Variants in OPHN1 observed in about 807,000 individuals in gnomAD.
OPHN1 encodes oligophrenin 1.
A neutral mutation model predicts 60.7 loss-of-function variants in OPHN1; 11 were observed. The ratio of observed to expected loss-of-function variants is 0.18; its 90% confidence interval spans 0.11 to 0.30. OPHN1 has a LOEUF of 0.30. OPHN1 is among the 10% of genes least tolerant of loss of function. The pLI is 1.00. For synonymous variants in OPHN1, 226 were observed against 222.6 expected (o/e 1.02, Z -0.14); for missense variants, 449 against 611.0 (o/e 0.73, Z 2.80).
rs1440862581 is a variant in OPHN1, at chrX:68,044,659, A to T, written c.*2513T>A. The T allele has an allele frequency of 8.9e-6, 1 of 112,668 alleles. No individual in the cohort carries two copies. Among genetic ancestry groups the T allele is most frequent in the African/African-American group, 3.2e-5 (1 of 30,992 alleles). 9.3% of individuals were successfully genotyped at this position (112,668 alleles called of 1,213,427 possible). A position where few individuals can be genotyped will look rare whatever the true frequency, so the allele number is the denominator to read the frequency against. On this transcript the variant is annotated 3_prime_UTR_variant, in exon 25 of 25. Transcript: ENST00000355520. Reference sequence around the variant, plus strand: ...ATTCCATGATAGCATGCCTCGCCACAGAAGCTTTTTGCACTTTAAGTCAGA... The same window carrying T: ...ATTCCATGATAGCATGCCTCGCCACTGAAGCTTTTTGCACTTTAAGTCAGA...
chrX:68,229,568 T>C (rs1465733604), intron 6 of OPHN1, among the ~76,000 whole-genome samples: 1 of 111,175 alleles, frequency 9.0e-6, no homozygotes, highest in Non-Finnish European at 1.9e-5. Flanking sequence ...AACAGATATA[T>C]AGACCAATGG....
chrX:68,171,855 T>C (rs945215813), intron 15 of OPHN1, among the ~76,000 whole-genome samples: 2 of 112,061 alleles, frequency 1.8e-5, no homozygotes, highest in African/African-American at 6.5e-5. Flanking sequence ...AATGAGTACA[T>C]TAAAAATGTC....
intron 2 of OPHN1, among the ~76,000 whole-genome samples, chrX:68,375,691 C>T (rs945566615): frequency 2.8e-5 from 3 of 106,513 alleles, no homozygotes; most frequent in Admixed American, 1.0e-4. Context: ...GCTAGGACTA[C>T]AGGCACATGC....
At chrX:68,268,479 A>G (rs1177468340) in intron 5 of OPHN1, among the ~76,000 whole-genome samples, 2 of 112,152 alleles carry the variant, frequency 1.8e-5, no homozygotes, top group Non-Finnish European at 3.8e-5. Context: ...AACAGAACCA[A>G]TGACAAAAAC....
At chrX:68,142,803 G>A (rs1172376231) in intron 15 of OPHN1, among the ~76,000 whole-genome samples, 4 of 111,473 alleles carry the variant, frequency 3.6e-5, no homozygotes, top group East Asian at 2.8e-4. Flanking sequence ...TATAATCTAC[G>A]ATCAAATTCA....
chrX:68,218,559 C>A (rs1237302573), intron 6 of OPHN1, among the ~76,000 whole-genome samples: 3 of 110,504 alleles, frequency 2.7e-5, no homozygotes, highest in African/African-American at 6.6e-5. Flanking sequence ...AAGGGAAGCC[C>A]ATCAGACTAA....
At chrX:68,271,371 C>CA (rs760572422) in intron 5 of OPHN1, among the ~76,000 whole-genome samples, 1,883 of 70,237 alleles carry the variant, frequency 0.027, 26 homozygotes, top group Admixed American at 0.053. Flanking sequence ...ACAGAAATTA[C>CA]AAAAAAAAAA....
At chrX:68,306,627 T>C (rs1167471327) in intron 2 of OPHN1, among the ~76,000 whole-genome samples, 1 of 112,483 alleles carries the variant, frequency 8.9e-6, no homozygotes, top group Non-Finnish European at 1.9e-5. Flanking sequence ...GCCAAATGAA[T>C]GTATGACTTT....
At chrX:68,329,850 C>T (rs2059324767) in intron 2 of OPHN1, among the ~76,000 whole-genome samples, 1 of 111,936 alleles carries the variant, frequency 8.9e-6, no homozygotes, top group South Asian at 3.7e-4. Flanking sequence ...GCCACCTCAA[C>T]TACAAGGTGA....
At chrX:68,169,104 G>T (rs1240827294) in intron 15 of OPHN1, among the ~76,000 whole-genome samples, 1 of 111,020 alleles carries the variant, frequency 9.0e-6, no homozygotes, top group Admixed American at 9.6e-5. Context: ...ATTCCTTCTT[G>T]CAAAAATCAC....
intron 2 of OPHN1, among the ~76,000 whole-genome samples, chrX:68,320,539 A>ACC (rs757799738): frequency 9.5e-6 from 1 of 105,081 alleles, no homozygotes; most frequent in African/African-American, 3.5e-5. Flanking sequence ...CTATGAATGA[A>ACC]CCCCCCCCCA....
chrX:68,313,253 C>T (rs985562529), intron 2 of OPHN1, among the ~76,000 whole-genome samples: 5 of 111,688 alleles, frequency 4.5e-5, no homozygotes, highest in African/African-American at 1.3e-4. Flanking sequence ...CTATGTAGAA[C>T]AGTTTGGAGC....
At chrX:68,226,096 T>G (rs1467328238) in intron 6 of OPHN1, among the ~76,000 whole-genome samples, 1 of 111,809 alleles carries the variant, frequency 8.9e-6, no homozygotes, top group Admixed American at 9.6e-5. Flanking sequence ...CAAGCTTCAG[T>G]AGCCGATTCG....
At chrX:68,148,389 T>C (rs2077272322) in intron 15 of OPHN1, among the ~76,000 whole-genome samples, 1 of 110,680 alleles carries the variant, frequency 9.0e-6, no homozygotes, top group Non-Finnish European at 1.9e-5. Flanking sequence ...GCCTGTGTTA[T>C]CATATCTCCT....
intron 2 of OPHN1, among the ~76,000 whole-genome samples, chrX:68,425,812 C>T (rs371158805): frequency 0.017 from 654 of 38,137 alleles, 1 homozygote; most frequent in African/African-American, 0.024. Context: ...GGACTGGATT[C>T]TTTTTTTTTT....
intron 2 of OPHN1, among the ~76,000 whole-genome samples, chrX:68,381,810 T>C (rs1339444162): frequency 1.8e-5 from 2 of 111,233 alleles, no homozygotes; most frequent in Admixed American, 1.9e-4. Context: ...CTCTCTTCTC[T>C]CCTCTTCCCT....
At chrX:68,089,973 C>T (rs766780549) in intron 19 of OPHN1, among the ~76,000 whole-genome samples, 18 of 111,823 alleles carry the variant, frequency 1.6e-4, no homozygotes, top group Non-Finnish European at 2.4e-4. Flanking sequence ...CTCCAGGTTA[C>T]GTTTTGATCT....
intron 18 of OPHN1, among the ~76,000 whole-genome samples, chrX:68,110,596 C>T (rs907827157): frequency 8.9e-6 from 1 of 112,082 alleles, no homozygotes; most frequent in African/African-American, 3.2e-5. Flanking sequence ...AGATCTGGAA[C>T]TTGGACTCAA....
intron 15 of OPHN1, among the ~76,000 whole-genome samples, chrX:68,158,939 CAGAGG>C (rs2077322161): frequency 1.8e-5 from 2 of 111,707 alleles, no homozygotes; most frequent in South Asian, 7.6e-4. Flanking sequence ...ATTCACAAGG[CAGAGG>C]TTCCATGCAG....
Sources: gnomAD v4.1 joint callset for allele counts (sites outside exome capture counted in the v4.1 genomes callset) on GRCh38, gnomAD v4.1.1 for gene constraint, MANE v1.5 for transcripts, NCBI Gene and HGNC (gene_info 2026-07-23, HGNC 2026-07-21) for gene names.